AGAP1: variants seen among roughly 807,000 people sequenced by gnomAD.
The protein encoded by AGAP1 is ArfGAP with GTPase domain, ankyrin repeat and PH domain 1, also known as arf-GAP with GTPase, ANK repeat and PH domain-containing protein 1.
AGAP1 carries 29 observed loss-of-function variants against 105.3 expected under a neutral mutation model. The ratio of observed to expected loss-of-function variants is 0.28; its 90% CI spans 0.21 to 0.38. The LOEUF is 0.38. Ranked by LOEUF, AGAP1 falls within the 10% of genes least tolerant of loss-of-function variation. The pLI, the probability that AGAP1 is intolerant of heterozygous loss-of-function variation, is 1.00. For synonymous variants in AGAP1, 509 were observed against 485.9 expected, an observed-to-expected ratio of 1.05 and a Z score of -0.63; for missense variants, 998 against 1,165.1, an observed-to-expected ratio of 0.86 and a Z score of 2.09.
At position 235,792,277 on chromosome 2, in the gene AGAP1, T is replaced by G. The variant is rs1266468153; in HGVS notation, c.674-5482T>G. Among the ~76,000 whole-genome samples, 1 of 152,140 alleles carries G rather than the reference T, an allele frequency of 6.6e-6. No individual in the cohort carries two copies. Among genetic ancestry groups the G allele is most frequent in the Non-Finnish European group, 1.5e-5 (1 of 68,028 alleles). On this transcript the variant is annotated intron_variant, in intron 6 of 17. Coordinates refer to ENST00000304032, the MANE Select transcript of AGAP1 (RefSeq NM_001037131.3). The surrounding 1 kb of genome is among the most constrained non-coding windows in gnomAD (Gnocchi z 5.3). The stretch of plus-strand genomic sequence containing the variant: ...GTCTTCCTTAGTTCTCTGCCCCCAC[T>G]TTTCCCCACCCTTCACGTGTCATCT...
rs1266015202 is a variant in AGAP1 at position 235,557,743 on chromosome 2, T to A, written c.163+62894T>A. Among the ~76,000 whole-genome samples, 1 of 152,148 alleles carries A rather than the reference T, an allele frequency of 6.6e-6. No homozygotes were observed. Among genetic ancestry groups the A allele is most frequent in the Non-Finnish European group, 1.5e-5 (1 of 68,032 alleles). On this transcript the variant is annotated intron_variant, in intron 1 of 17. Transcript: ENST00000304032. The surrounding 1 kb of genome is among the most constrained non-coding windows in gnomAD (Gnocchi z 4.7). ...CCAGAGTGGGCACTTCAGGTCCCGC[T>A]CCATGGCCGTGTGCACCTTCATGGT... is the stretch of plus-strand genomic sequence containing the variant.
intron 12 of AGAP1, among the ~76,000 whole-genome samples, chr2:235,956,900 C>CT (rs2053975165): frequency 6.6e-6 from 1 of 152,250 alleles, no homozygotes; most frequent in Admixed American, 6.5e-5. Context: ...CTCTGACCCT[C>CT]TCCCCCGTCT....
In AGAP1 at chr2:235,551,774, T is replaced by G. The variant is rs750250000; in HGVS notation, c.163+56925T>G. Among the ~76,000 whole-genome samples the G allele has an allele frequency of 1.6e-4, 24 of 152,210 alleles. No individual in the cohort carries two copies. The highest frequency in any genetic ancestry group is 2.8e-4 in the Non-Finnish European group (19 of 68,044). ...TAAAAGACTTTCTCTGAATGTTACCTTTGCTCTTCACCTTGACTGGTAGAT... is the reference window on the plus strand; with the variant it reads ...TAAAAGACTTTCTCTGAATGTTACCGTTGCTCTTCACCTTGACTGGTAGAT... On this transcript the variant is annotated intron_variant, in intron 1 of 17. Coordinates refer to ENST00000304032, the MANE Select transcript of AGAP1 (RefSeq NM_001037131.3). This position sits in a 1 kb window ranked among gnomAD's most constrained non-coding sequence, Gnocchi z 4.8.
rs1946878056 is a variant in AGAP1, at chr2:235,633,015, G to A, written c.164-76164G>A. 6.6e-6 allele frequency among the ~76,000 whole-genome samples: 1 copy of A among 151,988 alleles called. No individual in the cohort carries two copies. On this transcript the variant is annotated intron_variant, in intron 1 of 17. Transcript: ENST00000304032. The surrounding 1 kb of genome is among the most constrained non-coding windows in gnomAD (Gnocchi z 4.8). ...TTCCAAACCAGAAGCCCGTGGTGCA[G>A]CCTCTGAACCCCCGACTCTTGGTGG...
chr2:235,949,249 G>A (rs1263253330), intron 12 of AGAP1, among the ~76,000 whole-genome samples: 1 of 152,166 alleles, frequency 6.6e-6, no homozygotes, highest in Non-Finnish European at 1.5e-5. Context: ...TTGCCTTTTA[G>A]CGTCATGTCG....
At chr2:235,786,251 T>C (rs2149975718) in intron 6 of AGAP1, among the ~76,000 whole-genome samples, 1 of 152,368 alleles carries the variant, frequency 6.6e-6, no homozygotes, top group Non-Finnish European at 1.5e-5. Context: ...AGAAAGTTAA[T>C]CATCTCCTGG....
chr2:236,123,565 T>C lies in AGAP1; in HGVS notation c.2371-354T>C, dbSNP rs76738587. The stretch of plus-strand genomic sequence containing the variant: ...TTTTTCTTCTTGAGCTGTTATGTGT[T>C]ATTTGTGTATTTCCTATAATGAAAA... On this transcript the variant is annotated intron_variant, in intron 17 of 17. Transcript: ENST00000304032. The surrounding 1 kb of genome is among the most constrained non-coding windows in gnomAD (Gnocchi z 4.6). 6.6e-6 allele frequency among the ~76,000 whole-genome samples: 1 copy of C among 152,214 alleles called. No individual in the cohort carries two copies. The highest frequency in any genetic ancestry group is 2.4e-5 in the African/African-American group (1 of 41,436).
rs375110513 is a variant in AGAP1 at position 235,867,572 on chromosome 2, T to TGTGTGTGTGTGTGTGTGTGTGC, written c.1051-15770_1051-15769insTGTGTGTGTGTGTGTGTGCGTG. ...GTGTGTGTGTGTGTGTGTGTGTGTG[T>TGTGTGTGTGTGTGTGTGTGTGC]GTGCAAGTGAGGGAGGGTGACCCCC... On this transcript the variant is annotated intron_variant, in intron 9 of 17. Transcript: ENST00000304032. The surrounding 1 kb of genome is among the most constrained non-coding windows in gnomAD (Gnocchi z 5.4). 1.8e-4 allele frequency among the ~76,000 whole-genome samples: 27 copies of TGTGTGTGTGTGTGTGTGTGTGC among 148,370 alleles called. 1 individual carries two copies. Among genetic ancestry groups the TGTGTGTGTGTGTGTGTGTGTGC allele is most frequent in the Non-Finnish European group, 3.6e-4 (24 of 67,064 alleles).
rs2054478139 is a variant in AGAP1 at position 235,967,971 on chromosome 2, A to T, written c.1484-491A>T. 6.6e-6 allele frequency among the ~76,000 whole-genome samples: 1 copy of T among 152,210 alleles called. No individual in the cohort carries two copies. Among genetic ancestry groups the T allele is most frequent in the Admixed American group, 6.5e-5 (1 of 15,280 alleles). ...TTTTCACTGATAATAAAACAAGATGAAGTTATAGTCATCTGTAATATTGAG... is the reference window on the plus strand; with the variant it reads ...TTTTCACTGATAATAAAACAAGATGTAGTTATAGTCATCTGTAATATTGAG... On this transcript the variant is annotated intron_variant, in intron 12 of 17. Coordinates refer to ENST00000304032, the MANE Select transcript of AGAP1 (RefSeq NM_001037131.3). This position sits in a 1 kb window ranked among gnomAD's most constrained non-coding sequence, Gnocchi z 4.7.
In AGAP1 at chr2:235,769,399, A is replaced by G. The variant is rs1437005077; in HGVS notation, c.673+18911A>G. ...GCGTGGTCTTCACTCTTTTGCAGAA[A>G]ATTGTTGGCATTGCATCATTGGCTT... is the stretch of plus-strand genomic sequence containing the variant. On this transcript the variant is annotated intron_variant, in intron 6 of 17. Coordinates refer to ENST00000304032, the MANE Select transcript of AGAP1 (RefSeq NM_001037131.3). The surrounding 1 kb of genome is among the most constrained non-coding windows in gnomAD (Gnocchi z 4.4). 3.3e-5 allele frequency among the ~76,000 whole-genome samples: 5 copies of G among 152,204 alleles called. No homozygotes were observed. The highest frequency in any genetic ancestry group is 7.3e-5 in the Non-Finnish European group (5 of 68,040).
chr2:235,978,075 A>G (rs773898039), intron 13 of AGAP1, among the ~76,000 whole-genome samples: 21 of 152,120 alleles, frequency 1.4e-4, no homozygotes, highest in Middle Eastern at 3.4e-3. Flanking sequence ...TTTTTCTTAT[A>G]AGAACACCCC....
At position 236,120,241 on chromosome 2, in the gene AGAP1, C is replaced by A. The variant is rs1428262661; in HGVS notation, c.2164C>A (p.Leu722Met). Residue 722 changes from leucine (L) to methionine (M), a missense_variant, in exon 17 of 18, where the codon CTG becomes ATG. Around this residue, in one of 3 missense-constraint regions of AGAP1, gnomAD observed 235 missense variants for 270.7 expected, o/e 0.87. Coordinates refer to ENST00000304032, the MANE Select transcript of AGAP1 (RefSeq NM_001037131.3). This position sits in a 1 kb window ranked among gnomAD's most constrained non-coding sequence, Gnocchi z 6.0. ...TGCCAAGTACGAGCAGAAGCTCTTC[C>A]TGGCCCCGCTGCCCTGCACGGAGCT... ...IRAKYEQKLF[L>M]APLPCTELSL... is the part of the protein sequence containing the mutation. 2 of 1,613,346 alleles carry A rather than the reference C, an allele frequency of 1.2e-6. No individual in the cohort carries two copies. The highest frequency in any genetic ancestry group is 1.7e-5 in the Admixed American group (1 of 59,988).
rs769753548 is a variant in AGAP1, at chr2:236,042,936, C to T, written c.1891+2095C>T. On this transcript the variant is annotated intron_variant, in intron 15 of 17. Transcript: ENST00000304032. The surrounding 1 kb of genome is among the most constrained non-coding windows in gnomAD (Gnocchi z 5.6). ...ATTCTGCAACCCTAGTAGTTGGTGC[C>T]CCTGTGGGCCCCACTTAAAGGGGAG... Among the ~76,000 whole-genome samples, 7 of 152,182 alleles carry T rather than the reference C, an allele frequency of 4.6e-5. No individual in the cohort carries two copies. Among genetic ancestry groups the T allele is most frequent in the Non-Finnish European group, 1.0e-4 (7 of 68,038 alleles).
chr2:235,496,818 A>T (rs1224028428), intron 1 of AGAP1, among the ~76,000 whole-genome samples: 1 of 151,792 alleles, frequency 6.6e-6, no homozygotes, highest in African/African-American at 2.4e-5. Flanking sequence ...CACGATGCCT[A>T]CCTTTGCGAT....
chr2:235,987,684 C>T (rs2055380363), intron 13 of AGAP1, among the ~76,000 whole-genome samples: 1 of 152,114 alleles, frequency 6.6e-6, no homozygotes, highest in Non-Finnish European at 1.5e-5. Flanking sequence ...TTAGCGGTAT[C>T]CCAGAGATTC....
Position 235,874,846 on chromosome 2 carries a change from C to A in AGAP1, c.1051-8499C>A, listed in dbSNP as rs1320351846. Among the ~76,000 whole-genome samples the A allele has an allele frequency of 6.6e-6, 1 of 152,176 alleles. No individual in the cohort carries two copies. The highest frequency in any genetic ancestry group is 1.5e-5 in the Non-Finnish European group (1 of 68,036). On this transcript the variant is annotated intron_variant, in intron 9 of 17. Transcript: ENST00000304032. The surrounding 1 kb of genome is among the most constrained non-coding windows in gnomAD (Gnocchi z 4.5). ...GTGTGCGTGTGCTCTTGCACACGCT[C>A]ATGGATCAAGGCAGAGGATGAGTTT... is the stretch of plus-strand genomic sequence containing the variant.
chr2:235,571,520 G>A (rs1944513821), intron 1 of AGAP1, among the ~76,000 whole-genome samples: 2 of 152,210 alleles, frequency 1.3e-5, no homozygotes, highest in Admixed American at 1.3e-4. Context: ...ACGGCTGAGA[G>A]GTTCTGTTGG....
At position 235,928,157 on chromosome 2, in the gene AGAP1, G is replaced by A. The variant is rs186461881; in HGVS notation, c.1325-2608G>A. On this transcript the variant is annotated intron_variant, in intron 11 of 17. Coordinates refer to ENST00000304032, the MANE Select transcript of AGAP1 (RefSeq NM_001037131.3). ...TGTCATTGTCCTTTTCCACCTTTGCGGAGTCCTTTCGCCCACCATAACAGT... is the reference window on the plus strand; with the variant it reads ...TGTCATTGTCCTTTTCCACCTTTGCAGAGTCCTTTCGCCCACCATAACAGT... Among the ~76,000 whole-genome samples, 688 of 152,278 alleles carry A rather than the reference G, an allele frequency of 4.5e-3. 9 individuals are homozygous for A. The highest frequency in any genetic ancestry group is 0.015 in the African/African-American group (609 of 41,568).
In AGAP1 at chr2:235,621,852, G is replaced by T. The variant is rs947470974; in HGVS notation, c.164-87327G>T. Among the ~76,000 whole-genome samples the T allele has an allele frequency of 5.9e-5, 9 of 152,210 alleles. No individual in the cohort carries two copies. The highest frequency in any genetic ancestry group is 2.2e-4 in the African/African-American group (9 of 41,464). Reference sequence around the variant, plus strand: ...GCTGCTGATGTTCTGGCTCTCTGCAGTTGGGTAGGAGTGGAGGAGGGGTGC... The same window carrying T: ...GCTGCTGATGTTCTGGCTCTCTGCATTTGGGTAGGAGTGGAGGAGGGGTGC... On this transcript the variant is annotated intron_variant, in intron 1 of 17. Transcript: ENST00000304032. This position sits in a 1 kb window ranked among gnomAD's most constrained non-coding sequence, Gnocchi z 4.1.
Sources: gnomAD v4.1 joint callset for allele counts (sites outside exome capture counted in the v4.1 genomes callset) on GRCh38, gnomAD v4.1.1 for gene constraint, gnomAD v4.1.1 regional missense constraint, Gnocchi (gnomAD v3.1) non-coding constraint, MANE v1.5 for transcripts, NCBI Gene and HGNC (gene_info 2026-07-23, HGNC 2026-07-21) for gene names.